The following GOLGA6L2 variants were observed in gnomAD, a reference collection of about 807,000 sequenced individuals.
The protein encoded by GOLGA6L2 is golgin subfamily A member 6-like protein 2.
In GOLGA6L2, 30 loss-of-function variants were observed where a neutral mutation model predicts 35.9. The ratio of observed to expected loss-of-function variants is 0.83; its 90% CI spans 0.62 to 1.13. The LOEUF (loss-of-function observed/expected upper bound fraction) is 1.13. Ranked by LOEUF, GOLGA6L2 falls within the 50% of genes most tolerant of loss-of-function variation. The pLI, the probability that GOLGA6L2 is intolerant of heterozygous loss-of-function variation, is 0.00. For missense variants in GOLGA6L2, 821 were observed against 973.4 expected (o/e 0.84, Z 2.08); for synonymous variants, 297 against 344.0 (o/e 0.86, Z 1.51).
rs1302670546 is a variant in GOLGA6L2, at chr15:23,441,095, C to T, written c.1380G>A (p.Arg460=). The change falls in exon 8 of 8, where the codon CGG becomes CGA. Residue 460 remains arginine, a synonymous_variant. Coordinates refer to ENST00000567107, the MANE Select transcript of GOLGA6L2 (RefSeq NM_001304388.2). ...GCTCCCGCATCGTCTCCTCCTCTTC[C>T]CGCATCTTCTTCTCCCGCTCCCGTA... ...ERIREREKKM[R]EEEETMREQE... 6.5e-6 allele frequency: 10 copies of T among 1,532,640 alleles called. No homozygotes were observed. The East Asian group carries it at 2.5e-4, about 38-fold the overall frequency. 94.9% of individuals were successfully genotyped at this position (1,532,640 alleles called of 1,614,324 possible). A position where few individuals can be genotyped will look rare whatever the true frequency, so the allele number is the denominator to read the frequency against.
chr15:23,439,657 C>T lies in GOLGA6L2; in HGVS notation c.*88G>A. 2 of 1,537,094 alleles carry T rather than the reference C, an allele frequency of 1.3e-6. No homozygotes were observed. Among genetic ancestry groups the T allele is most frequent in the South Asian group, 1.2e-5 (1 of 84,038 alleles). ...CGTTCTTCATCCCACAAAACAGCTGCATGATCTCCTGTGCAGTGGGGTTGT... is the reference window on the plus strand; with the variant it reads ...CGTTCTTCATCCCACAAAACAGCTGTATGATCTCCTGTGCAGTGGGGTTGT... On this transcript the variant is annotated 3_prime_UTR_variant, in exon 8 of 8. Coordinates refer to ENST00000567107, the MANE Select transcript of GOLGA6L2 (RefSeq NM_001304388.2).
At chr15:23,446,097 A>G (rs1242691041) in intron 1 of GOLGA6L2, among the ~76,000 whole-genome samples, 1 of 152,206 alleles carries the variant, frequency 6.6e-6, no homozygotes, top group African/African-American at 2.4e-5. Flanking sequence ...CCCAAGATCT[A>G]TTCCACAGAA....
chr15:23,439,481 C>T lies in GOLGA6L2; in HGVS notation c.*264G>A. The T allele has an allele frequency of 6.6e-6, 4 of 601,706 alleles. No individual in the cohort carries two copies. Among genetic ancestry groups the T allele is most frequent in the Non-Finnish European group, 1.1e-5 (4 of 366,786 alleles). 37.3% of individuals were successfully genotyped at this position (601,706 alleles called of 1,614,324 possible). On this transcript the variant is annotated 3_prime_UTR_variant, in exon 8 of 8. Coordinates refer to ENST00000567107, the MANE Select transcript of GOLGA6L2 (RefSeq NM_001304388.2). ...TTTTTTTTTCAAGTTTGTGCTCAGA[C>T]TATATTCACACAGTGACATGGCGGC...
Position 23,447,154 on chromosome 15 carries a change from G to C in GOLGA6L2, c.28C>G (p.His10Asp). 1 of 1,597,670 alleles carries C rather than the reference G, an allele frequency of 6.3e-7. No homozygotes were observed. The highest frequency in any genetic ancestry group is 8.6e-7 in the Non-Finnish European group (1 of 1,169,226). MWPQPHLPP[H>D]PMMSEKTRQN... ...CTGGTTTTTTCTGACATCATGGGGT[G>C]GGGAGGGAGGTGGGGTTGGGGCCAC... is the stretch of plus-strand genomic sequence containing the variant. Residue 10 changes from histidine (H) to aspartate (D), a missense_variant, in exon 1 of 8, where the codon CAC (histidine) becomes GAC (aspartate). This residue lies in a region of GOLGA6L2 where 48 missense variants were observed against 31.7 expected (regional missense o/e 1.51). Coordinates refer to ENST00000567107, the MANE Select transcript of GOLGA6L2 (RefSeq NM_001304388.2).
intron 5 of GOLGA6L2, among the ~76,000 whole-genome samples, chr15:23,443,110 G>C (rs1186295435): frequency 1.2e-4 from 19 of 152,108 alleles, no homozygotes; most frequent in Non-Finnish European, 1.5e-5. Flanking sequence ...AAAGTTAAAT[G>C]GTTGCCTAAG....
At chr15:23,444,447 TC>T (rs1886732675) in intron 3 of GOLGA6L2, 23 bp downstream of exon 3, 3 of 1,600,402 alleles carry the variant, frequency 1.9e-6, no homozygotes, top group Non-Finnish European at 2.5e-6. Flanking sequence ...AGCAGTCATG[TC>T]GTGAGCAAAC....
At position 23,442,099 on chromosome 15, in the gene GOLGA6L2, C is replaced by G. The variant is rs1351410279; in HGVS notation, c.672G>C (p.Lys224Asn). ...YRNTITNEEL[K>N]KKNAELQEKL... ...TTTCTTGTAGTTCGGCATTTTTCTTCTTCAGCTCCTCATTGGTTATGCTAT... is the reference window on the plus strand; with the variant it reads ...TTTCTTGTAGTTCGGCATTTTTCTTGTTCAGCTCCTCATTGGTTATGCTAT... Residue 224 changes from lysine (K) to asparagine (N), a missense_variant, in exon 7 of 8, where the codon AAG (lysine) becomes AAC (asparagine). Transcript: ENST00000567107. 6.4e-7 allele frequency: 1 copy of G among 1,556,178 alleles called. No homozygotes were observed. Among genetic ancestry groups the G allele is most frequent in the Non-Finnish European group, 8.6e-7 (1 of 1,157,116 alleles).
chr15:23,439,755 C>G lies in GOLGA6L2; in HGVS notation c.2720G>C (p.Ser907Thr). Residue 907 changes from serine (S) to threonine (T), a missense_variant, in exon 8 of 8, where the codon AGT (serine) becomes ACT (threonine). Ser to Thr is a moderately conservative substitution (Grantham distance 58). Transcript: ENST00000567107. ...VLRALPPSLQ[S>T]SL ...CCAGTGTGGCTCATATTACAAAGAA[C>G]TTTGGAGGGAGGGAGGCAGGGCTCT... The G allele has an allele frequency of 1.3e-6, 2 of 1,536,060 alleles. No homozygotes were observed. Among genetic ancestry groups the G allele is most frequent in the Non-Finnish European group, 1.7e-6 (2 of 1,146,762 alleles).
chr15:23,439,614 A>C lies in GOLGA6L2; in HGVS notation c.*131T>G, dbSNP rs1366783492. Reference sequence around the variant, plus strand: ...AATGGGATGCAGGAGGTACTGCCTAATCCTGGGCACTGCTGGGCGTTCTTC... The same window carrying C: ...AATGGGATGCAGGAGGTACTGCCTACTCCTGGGCACTGCTGGGCGTTCTTC... On this transcript the variant is annotated 3_prime_UTR_variant, in exon 8 of 8. Coordinates refer to ENST00000567107, the MANE Select transcript of GOLGA6L2 (RefSeq NM_001304388.2). The C allele has an allele frequency of 6.5e-7, 1 of 1,536,028 alleles. No homozygotes were observed. Among genetic ancestry groups the C allele is most frequent in the African/African-American group, 1.4e-5 (1 of 72,800 alleles).
Position 23,439,467 on chromosome 15 carries a change from A to ATT in GOLGA6L2, c.*277_*278insAA. The ATT allele has an allele frequency of 4.9e-6, 3 of 609,262 alleles. No homozygotes were observed. Among genetic ancestry groups the ATT allele is most frequent in the South Asian group, 4.0e-5 (1 of 25,254 alleles). 37.7% of individuals were successfully genotyped at this position (609,262 alleles called of 1,614,324 possible). ...CTTTTCTTTTTTTTTTTTTTTTTCA[A>ATT]GTTTGTGCTCAGACTATATTCACAC... is the stretch of plus-strand genomic sequence containing the variant. On this transcript the variant is annotated 3_prime_UTR_variant, in exon 8 of 8. Coordinates refer to ENST00000567107, the MANE Select transcript of GOLGA6L2 (RefSeq NM_001304388.2).
rs2070661979 is a variant in GOLGA6L2, at chr15:23,440,740, C to T, written c.1735G>A (p.Asp579Asn). 1 of 1,518,592 alleles carries T rather than the reference C, an allele frequency of 6.6e-7. No individual in the cohort carries two copies. The highest frequency in any genetic ancestry group is 1.4e-5 in the African/African-American group (1 of 71,784). The allele number at this position is 1,518,592 out of a possible 1,614,324, so 94.1% of individuals were successfully genotyped here. A position where few individuals can be genotyped will look rare whatever the true frequency, so the allele number is the denominator to read the frequency against. Residue 579 changes from aspartate to asparagine, a missense_variant, in exon 8 of 8, where the codon GAT becomes AAT. By Grantham distance (23) the Asp-to-Asn change is conservative. Around this residue, in one of 7 missense-constraint regions of GOLGA6L2, gnomAD observed 99 missense variants for 199.9 expected, o/e 0.50. Transcript: ENST00000567107. ...GAEDVGPGGE[D>N]VGAGREAAGE... ...GCAGCCTCTCGTCCTGCTCCCACAT[C>T]CTCTCCTCCTGGTCCCACATCTTCT...
In GOLGA6L2 at chr15:23,443,970, A is replaced by G; in HGVS notation, c.398T>C (p.Leu133Pro). ...DAARKFEDGNLGTPSSFNLAL... is the reference protein window; with the variant it reads ...DAARKFEDGNPGTPSSFNLAL... The stretch of plus-strand genomic sequence containing the variant: ...CAGGTTGAAGGATGATGGGGTGCCC[A>G]GGTTCCCATCTTCAAATTTCCTGGC... Residue 133 changes from leucine to proline, a missense_variant, in exon 5 of 8, where the codon CTG (leucine) becomes CCG (proline). Physicochemically the swap from Leu to Pro is moderately conservative, Grantham distance 98. This residue lies in a region of GOLGA6L2 where 614 missense variants were observed against 632.3 expected (regional missense o/e 0.97). Transcript: ENST00000567107. The G allele has an allele frequency of 1.3e-6, 2 of 1,562,304 alleles. No homozygotes were observed. The highest frequency in any genetic ancestry group is 1.7e-6 in the Non-Finnish European group (2 of 1,160,688).
In GOLGA6L2 at chr15:23,441,431, C is replaced by A; in HGVS notation, c.1044G>T (p.Glu348Asp). ...TCTTCTCCTCCTGCTCCTGCATCTGCTCCTCCTGCTCCCGCAGCTTCTTCT... is the reference window on the plus strand; with the variant it reads ...TCTTCTCCTCCTGCTCCTGCATCTGATCCTCCTGCTCCCGCAGCTTCTTCT... ...REQKKLREQE[E>D]QMQEQEEKMW... Residue 348 changes from glutamate (E) to aspartate (D), a missense_variant, in exon 8 of 8, where the codon GAG becomes GAT. By Grantham distance (45) the Glu-to-Asp change is conservative. Coordinates refer to ENST00000567107, the MANE Select transcript of GOLGA6L2 (RefSeq NM_001304388.2). The A allele has an allele frequency of 7.0e-7, 1 of 1,428,562 alleles. No homozygotes were observed. Among genetic ancestry groups the A allele is most frequent in the Non-Finnish European group, 9.4e-7 (1 of 1,067,714 alleles). 88.5% of individuals were successfully genotyped at this position (1,428,562 alleles called of 1,614,324 possible).
In GOLGA6L2 at chr15:23,447,176, C is replaced by T; in HGVS notation, c.6G>A (p.Trp2Ter). ...GGTGGGGAGGGAGGTGGGGTTGGGG[C>T]CACATCAGCGTGATTCAGACGAGGA... is the stretch of plus-strand genomic sequence containing the variant. The part of the protein sequence containing the change: M[W>*]PQPHLPPHPM... Residue 2 changes from tryptophan (W) to a stop codon, truncating the protein, a stop_gained, in exon 1 of 8, where the codon TGG becomes TGA. Transcript: ENST00000567107. LOFTEE classifies it high-confidence loss of function. 6.4e-7 allele frequency: 1 copy of T among 1,567,034 alleles called. No individual in the cohort carries two copies. The highest frequency in any genetic ancestry group is 8.8e-7 in the Non-Finnish European group (1 of 1,140,658).
chr15:23,441,811 C>A, intron 7 of GOLGA6L2, 129 bp from the exon 8 acceptor site: 1 of 1,361,062 alleles, frequency 7.3e-7, no homozygotes, highest in Non-Finnish European at 9.7e-7. Flanking sequence ...AGGCAGGGCC[C>A]CAAATTTGTA....
In GOLGA6L2 at chr15:23,439,923, TCTC is replaced by T. The variant is rs2070632305; in HGVS notation, c.2549_2551del (p.Gly850del). On this transcript the variant is annotated inframe_deletion, in exon 8 of 8. Coordinates refer to ENST00000567107, the MANE Select transcript of GOLGA6L2 (RefSeq NM_001304388.2). ...ATCTTCTCCTCCTGGCCCCACATCT[TCTC>T]CTCCTGGCCCCGCATCTTCTCCTCC... The T allele has an allele frequency of 6.5e-7, 1 of 1,538,032 alleles. No homozygotes were observed. Among genetic ancestry groups the T allele is most frequent in the African/African-American group, 1.4e-5 (1 of 71,124 alleles).
At chr15:23,446,055 A>T (rs1474893707) in intron 1 of GOLGA6L2, among the ~76,000 whole-genome samples, 2 of 152,214 alleles carry the variant, frequency 1.3e-5, no homozygotes, top group Non-Finnish European at 2.9e-5. Flanking sequence ...TTGAGATGCG[A>T]TGAGGAAGAT....
chr15:23,441,972 C>T lies in GOLGA6L2; in HGVS notation c.792+7G>A, dbSNP rs143005993. 2.4e-3 allele frequency: 3,753 copies of T among 1,543,032 alleles called. 105 individuals are homozygous for T. The African/African-American group carries it at 0.045, about 18-fold the overall frequency. ...CTCCCACAACCCCTGGGGCTGCAGC[C>T]GCTCACCTGTGGCAGCAGGAACTTG... On this transcript the variant is annotated splice_region_variant and intron_variant, in intron 7 of 7. Transcript: ENST00000567107.
At position 23,441,137 on chromosome 15, in the gene GOLGA6L2, C is replaced by A; in HGVS notation, c.1338G>T (p.Met446Ile). The A allele has an allele frequency of 6.5e-7, 1 of 1,532,902 alleles. No homozygotes were observed. The allele number at this position is 1,532,902 out of a possible 1,614,324, so 95.0% of individuals were successfully genotyped here. Residue 446 changes from methionine (M) to isoleucine (I), a missense_variant, in exon 8 of 8, where the codon ATG (methionine) becomes ATT (isoleucine). Physicochemically the swap from Met to Ile is conservative, Grantham distance 10. Coordinates refer to ENST00000567107, the MANE Select transcript of GOLGA6L2 (RefSeq NM_001304388.2). ...EKKTRDQEEKMQEEERIRERE... is the reference protein window; with the variant it reads ...EKKTRDQEEKIQEEERIRERE... The stretch of plus-strand genomic sequence containing the variant: ...GCTCCCGTATCCTCTCCTCCTCTTG[C>A]ATCTTCTCCTCCTGGTCCCGCGTCT...
Sources: gnomAD v4.1 joint callset for allele counts (sites outside exome capture counted in the v4.1 genomes callset) on GRCh38, gnomAD v4.1.1 for gene constraint, gnomAD v4.1.1 regional missense constraint, MANE v1.5 for transcripts, NCBI Gene and HGNC (gene_info 2026-07-23, HGNC 2026-07-21) for gene names.